Variants in MAGI2 observed in about 807,000 individuals in gnomAD.
MAGI2 encodes the protein membrane associated guanylate kinase, WW and PDZ domain containing 2, also known as membrane-associated guanylate kinase, WW and PDZ domain-containing protein 2.
Under a neutral mutation model 133.3 loss-of-function variants are expected in MAGI2, and 35 were observed. The ratio of observed to expected loss-of-function variants is 0.26; its 90% CI spans 0.20 to 0.35. The LOEUF (loss-of-function observed/expected upper bound fraction) is 0.35, where lower values mean the gene tolerates loss of function less well. MAGI2 is among the 10% of genes least tolerant of loss of function. The pLI is 1.00. For synonymous variants in MAGI2, 729 were observed against 710.6 expected, an observed-to-expected ratio of 1.03 and a Z score of -0.41; for missense variants, 1,636 against 1,863.4, an observed-to-expected ratio of 0.88 and a Z score of 2.25.
chr7:78,554,043 C>A (rs1799583462), intron 3 of MAGI2, among the ~76,000 whole-genome samples: 1 of 152,070 alleles, frequency 6.6e-6, no homozygotes, highest in Non-Finnish European at 1.5e-5. Flanking sequence ...AAAATGTGTT[C>A]CCCTTTATTA....
intron 11 of MAGI2, among the ~76,000 whole-genome samples, chr7:78,200,750 CAG>C (rs1269486241): frequency 1.3e-5 from 2 of 151,918 alleles, no homozygotes; most frequent in African/African-American, 2.4e-5. Flanking sequence ...TAAATATATA[CAG>C]AGTTAAATTT....
At chr7:79,450,654 T>C (rs1316096211) in intron 1 of MAGI2, among the ~76,000 whole-genome samples, 1 of 152,078 alleles carries the variant, frequency 6.6e-6, no homozygotes, top group East Asian at 1.9e-4. Flanking sequence ...ATATTCTGAG[T>C]TCTAAAAGCA....
intron 1 of MAGI2, among the ~76,000 whole-genome samples, chr7:79,363,537 C>T (rs1248997626): frequency 6.6e-6 from 1 of 150,746 alleles, no homozygotes; most frequent in African/African-American, 2.4e-5. Flanking sequence ...TAAAGTGGGA[C>T]ACCTGGTTAA....
chr7:78,147,544 G>A (rs1394528563), intron 16 of MAGI2, among the ~76,000 whole-genome samples: 1 of 151,898 alleles, frequency 6.6e-6, no homozygotes, highest in Non-Finnish European at 1.5e-5. Context: ...TTATGCTAAC[G>A]TAAGAAATGA....
At position 78,255,469 on chromosome 7, in the gene MAGI2, T is replaced by C. The variant is rs1353482879; in HGVS notation, c.2047+474A>G. 8 of 254,214 alleles carry C rather than the reference T, an allele frequency of 3.1e-5. No homozygotes were observed. In the East Asian group the frequency reaches 8.1e-4, roughly 26 times the overall value. The allele number at this position is 254,214 out of a possible 1,614,324, so 15.7% of individuals were successfully genotyped here. ...CCACAGCTCTCACAGTTCATGGTCC[T>C]TCTGAGTATTGTCAAGACTGTGCTT... On this transcript the variant is annotated intron_variant, in intron 10 of 21. Transcript: ENST00000354212.
intron 2 of MAGI2, among the ~76,000 whole-genome samples, chr7:78,729,019 A>T (rs2151219849): frequency 6.6e-6 from 1 of 152,346 alleles, no homozygotes; most frequent in Non-Finnish European, 1.5e-5. Flanking sequence ...CTATAGATGC[A>T]GAGTTTTGTA....
intron 1 of MAGI2, among the ~76,000 whole-genome samples, chr7:79,194,707 T>C (rs1188493405): frequency 6.6e-6 from 1 of 151,858 alleles, no homozygotes; most frequent in Non-Finnish European, 1.5e-5. Context: ...GCTTTTTTGA[T>C]GTCTCAGTGA....
At chr7:78,244,180 A>G (rs1363146677) in intron 10 of MAGI2, among the ~76,000 whole-genome samples, 1 of 149,416 alleles carries the variant, frequency 6.7e-6, no homozygotes, top group Non-Finnish European at 1.5e-5. Context: ...AAAAAAAAAA[A>G]AAAAAAAAAA....
At chr7:78,195,593 T>C (rs948587223) in intron 11 of MAGI2, among the ~76,000 whole-genome samples, 1 of 152,226 alleles carries the variant, frequency 6.6e-6, no homozygotes, top group Non-Finnish European at 1.5e-5. Flanking sequence ...TATGCAACCA[T>C]CTAGGATTCA....
chr7:78,952,075 T>C (rs1300126181), intron 2 of MAGI2, among the ~76,000 whole-genome samples: 1 of 152,168 alleles, frequency 6.6e-6, no homozygotes, highest in Non-Finnish European at 1.5e-5. Context: ...TTTCCATTTC[T>C]AAAATCTGGC....
intron 1 of MAGI2, among the ~76,000 whole-genome samples, chr7:79,110,658 G>A (rs1240555941): frequency 6.6e-6 from 1 of 152,190 alleles, no homozygotes; most frequent in Non-Finnish European, 1.5e-5. Flanking sequence ...GTTGGAATGA[G>A]TTAAGGCTTT....
chr7:79,400,542 C>T (rs1404177280), intron 1 of MAGI2, among the ~76,000 whole-genome samples: 1 of 152,126 alleles, frequency 6.6e-6, no homozygotes, highest in African/African-American at 2.4e-5. Context: ...TGCCCTGTGG[C>T]TTCACTGCAG....
intron 2 of MAGI2, among the ~76,000 whole-genome samples, chr7:78,657,565 G>A (rs746295665): frequency 9.2e-5 from 14 of 152,162 alleles, no homozygotes; most frequent in Non-Finnish European, 1.5e-4. Flanking sequence ...ATGTGAAAAG[G>A]CTACATACTG....
intron 1 of MAGI2, among the ~76,000 whole-genome samples, chr7:79,146,898 T>C (rs1822691267): frequency 6.6e-6 from 1 of 152,228 alleles, no homozygotes; most frequent in Non-Finnish European, 1.5e-5. Flanking sequence ...TGGAGTAAGA[T>C]ATTTCGTCTT....
At position 79,217,659 on chromosome 7, in the gene MAGI2, G is replaced by A. The variant is rs150806422; in HGVS notation, c.302-210453C>T. Among the ~76,000 whole-genome samples the A allele has an allele frequency of 2.0e-5, 3 of 152,094 alleles. No individual in the cohort carries two copies. The East Asian group carries it at 5.8e-4, about 29-fold the overall frequency. Reference sequence around the variant, plus strand: ...TCATTAGAATAGTTTCTGTGCTTTGGTGACTAAGAACTAGACCTTTGTTTG... The same window carrying A: ...TCATTAGAATAGTTTCTGTGCTTTGATGACTAAGAACTAGACCTTTGTTTG... On this transcript the variant is annotated intron_variant, in intron 1 of 21. Transcript: ENST00000354212.
chr7:78,064,299 G>A (rs1261912536), intron 21 of MAGI2, among the ~76,000 whole-genome samples: 1 of 151,212 alleles, frequency 6.6e-6, no homozygotes, highest in African/African-American at 2.4e-5. Context: ...TGTTTTTGTA[G>A]ATAGCTTCAA....
At chr7:78,268,653 T>C (rs1226325150) in intron 9 of MAGI2, among the ~76,000 whole-genome samples, 2 of 152,186 alleles carry the variant, frequency 1.3e-5, no homozygotes, top group African/African-American at 4.8e-5. Flanking sequence ...TATATAAGCT[T>C]ATAAAATTTC....
At chr7:78,313,750 A>G (rs1798923443) in intron 9 of MAGI2, among the ~76,000 whole-genome samples, 1 of 152,112 alleles carries the variant, frequency 6.6e-6, no homozygotes, top group African/African-American at 2.4e-5. Context: ...CTGCTAAGCA[A>G]CATTTCTTTT....
chr7:78,973,972 C>T (rs1034309568), intron 2 of MAGI2, among the ~76,000 whole-genome samples: 2 of 151,726 alleles, frequency 1.3e-5, no homozygotes, highest in African/African-American at 2.4e-5. Context: ...TTAGGGAATG[C>T]TAACTACATC....
Sources: gnomAD v4.1 joint callset for allele counts (sites outside exome capture counted in the v4.1 genomes callset) on GRCh38, gnomAD v4.1.1 for gene constraint, MANE v1.5 for transcripts, NCBI Gene and HGNC (gene_info 2026-07-23, HGNC 2026-07-21) for gene names.